Variants in GGTA1 observed in about 807,000 individuals in gnomAD.
GGTA1 encodes the protein glycoprotein alpha-galactosyltransferase 1 (inactive), also known as inactive N-acetyllactosaminide alpha-1,3-galactosyltransferase.
GGTA1 carries 5 observed loss-of-function variants against 2.6 expected under a neutral mutation model. The observed-to-expected ratio is 1.92, with a 90% CI of 1.00 to 4.04. GGTA1 has a LOEUF of 4.04. GGTA1 is among the 30% of genes most tolerant of loss of function. The probability of loss-of-function intolerance (pLI) is 0.00; values close to 1 mark genes in which losing one functional copy is unlikely to be tolerated. For missense variants in GGTA1, 50 were observed against 16.7 expected (o/e 2.99, Z -3.47); for synonymous variants, 17 against 5.0 (o/e 3.38, Z -3.19).
intron 5 of GGTA1, among the ~76,000 whole-genome samples, chr9:121,456,636 G>A (rs554720863): frequency 2.6e-5 from 4 of 152,034 alleles, no homozygotes; most frequent in Non-Finnish European, 4.4e-5. Flanking sequence ...GGCTGGTCTC[G>A]AACTCCCGAC....
rs116212331 is a variant in GGTA1, at chr9:121,485,467, A to G, written c.-10+14183T>C. ...GTGAAGGTTAAGTGTTGTCACGTGT[A>G]AAGTGTCTAGCATTATATTCCTTTG... On this transcript the variant is annotated intron_variant, in intron 1 of 5. Coordinates refer to ENST00000481799, the MANE Select transcript of GGTA1 (RefSeq NM_001382585.1). 8.3e-3 allele frequency among the ~76,000 whole-genome samples: 1,264 copies of G among 152,346 alleles called. 17 individuals carry two copies. Among genetic ancestry groups the G allele is most frequent in the African/African-American group, 0.029 (1,202 of 41,570 alleles).
chr9:121,456,287 A>G (rs1005887542), intron 5 of GGTA1, among the ~76,000 whole-genome samples: 1 of 152,228 alleles, frequency 6.6e-6, no homozygotes, highest in Non-Finnish European at 1.5e-5. Context: ...GAAGTTCCAC[A>G]AAAGCTTCCC....
chr9:121,445,598 A>AT (rs1221078712), exon 8 of GGTA1: 2 of 152,192 alleles, frequency 1.3e-5, no homozygotes, highest in African/African-American at 4.8e-5. Context: ...TTTAAATAAT[A>AT]TGTAGGATTT....
downstream of GGTA1, among the ~76,000 whole-genome samples, chr9:121,454,742 G>A (rs888678436): frequency 1.3e-5 from 2 of 152,176 alleles, no homozygotes; most frequent in African/African-American, 4.8e-5. Context: ...GCCGGGCGCG[G>A]TGGCTCATGC....
At chr9:121,467,338 AC>A (rs2065012508) in intron 2 of GGTA1, among the ~76,000 whole-genome samples, 2 of 152,182 alleles carry the variant, frequency 1.3e-5, no homozygotes, top group African/African-American at 4.8e-5. Flanking sequence ...ACACCCACAC[AC>A]ACTCTCTCTC....
At chr9:121,486,367 A>G (rs755550352) in intron 1 of GGTA1, among the ~76,000 whole-genome samples, 14 of 152,240 alleles carry the variant, frequency 9.2e-5, no homozygotes, top group Non-Finnish European at 1.8e-4. Context: ...GCAGTGCACA[A>G]TGAACAGGTT....
chr9:121,468,063 T>C (rs1358224022), intron 1 of GGTA1, 132 bp from the exon 2 acceptor site: 4 of 378,836 alleles, frequency 1.1e-5, no homozygotes, highest in Non-Finnish European at 2.1e-5. Context: ...CTGGGATACA[T>C]GTGCAGAACG....
At chr9:121,479,318 G>A in intron 1 of GGTA1, 1 of 358,414 alleles carries the variant, frequency 2.8e-6, no homozygotes, top group Non-Finnish European at 5.5e-6. Context: ...AGAAAGGGAA[G>A]GTGCTGGTTT....
intron 1 of GGTA1, chr9:121,479,085 C>T: frequency 2.2e-6 from 1 of 456,598 alleles, no homozygotes; most frequent in South Asian, 1.5e-5. Flanking sequence ...CCTGAGCCGG[C>T]ATCCTTCTTC....
At chr9:121,462,118 G>T (rs1008733069) in intron 3 of GGTA1, among the ~76,000 whole-genome samples, 1 of 152,196 alleles carries the variant, frequency 6.6e-6, no homozygotes, top group Non-Finnish European at 1.5e-5. Context: ...GAGGTCAGGC[G>T]TTCAAGACCA....
intron 2 of GGTA1, among the ~76,000 whole-genome samples, chr9:121,465,755 A>C (rs2065001045): frequency 6.6e-6 from 1 of 152,186 alleles, no homozygotes; most frequent in African/African-American, 2.4e-5. Flanking sequence ...GTACTTTGTT[A>C]TAGTGGCCTG....
chr9:121,449,190 C>T (rs775292078), intron 7 of GGTA1, among the ~76,000 whole-genome samples: 2 of 152,164 alleles, frequency 1.3e-5, no homozygotes, highest in Non-Finnish European at 2.9e-5. Context: ...TTTTTCTATT[C>T]ACCTACCAAA....
intron 1 of GGTA1, among the ~76,000 whole-genome samples, chr9:121,493,382 C>T (rs539723772): frequency 7.2e-5 from 11 of 152,234 alleles, no homozygotes; most frequent in African/African-American, 2.4e-4. Context: ...TTTCATGCCT[C>T]AGTTCTGCTA....
At chr9:121,472,234 GA>G (rs1828405951) in intron 1 of GGTA1, among the ~76,000 whole-genome samples, 1 of 152,198 alleles carries the variant, frequency 6.6e-6, no homozygotes, top group Non-Finnish European at 1.5e-5. Context: ...TGTTATATAT[GA>G]TACATAATCC....
At chr9:121,493,380 C>T (rs987935004) in intron 1 of GGTA1, among the ~76,000 whole-genome samples, 3 of 152,066 alleles carry the variant, frequency 2.0e-5, no homozygotes, top group East Asian at 3.9e-4. Flanking sequence ...GCTTTCATGC[C>T]TCAGTTCTGC....
At chr9:121,469,483 C>G (rs1828334608) in intron 1 of GGTA1, among the ~76,000 whole-genome samples, 1 of 152,104 alleles carries the variant, frequency 6.6e-6, no homozygotes, top group East Asian at 1.9e-4. Flanking sequence ...ACCTTGGAAG[C>G]CAGAGAATAA....
intron 1 of GGTA1, among the ~76,000 whole-genome samples, chr9:121,497,689 GC>G (rs1227070399): frequency 6.6e-6 from 1 of 152,162 alleles, no homozygotes; most frequent in African/African-American, 2.4e-5. Flanking sequence ...AGGGACACAG[GC>G]AGGTACCTAG....
intron 1 of GGTA1, among the ~76,000 whole-genome samples, chr9:121,481,868 T>C (rs1330953965): frequency 6.6e-6 from 1 of 150,922 alleles, no homozygotes. Flanking sequence ...TGGTGGTGCA[T>C]GCCTGTAATC....
chr9:121,484,279 A>C (rs1198826856), intron 1 of GGTA1, among the ~76,000 whole-genome samples: 1 of 152,230 alleles, frequency 6.6e-6, no homozygotes, highest in Non-Finnish European at 1.5e-5. Flanking sequence ...TTCTGGCCAG[A>C]ACTAGATTCA....
Sources: gnomAD v4.1 joint callset for allele counts (sites outside exome capture counted in the v4.1 genomes callset) on GRCh38, gnomAD v4.1.1 for gene constraint, MANE v1.5 for transcripts, NCBI Gene and HGNC (gene_info 2026-07-23, HGNC 2026-07-21) for gene names.